Variants in SUMF2 observed in about 807,000 individuals in gnomAD.
SUMF2 encodes inactive C-alpha-formylglycine-generating enzyme 2.
Under a neutral mutation model 44.8 loss-of-function variants are expected in SUMF2, and 45 were observed. The observed-to-expected ratio is 1.00, with a 90% CI of 0.79 to 1.29. The LOEUF (loss-of-function observed/expected upper bound fraction) is 1.29, where lower values mean the gene tolerates loss of function less well. Ranked by LOEUF, SUMF2 falls within the 50% of genes most tolerant of loss-of-function variation. The pLI, the probability that SUMF2 is intolerant of heterozygous loss-of-function variation, is 0.00. For synonymous variants in SUMF2, 148 were observed against 150.4 expected (o/e 0.98, Z 0.12); for missense variants, 418 against 389.9 (o/e 1.07, Z -0.61).
chr7:56,068,031 C>CTT (rs565131237), intron 1 of SUMF2, among the ~76,000 whole-genome samples: 18 of 110,348 alleles, frequency 1.6e-4, no homozygotes, highest in East Asian at 2.7e-4. Flanking sequence ...TTTTTTCTTT[C>CTT]TTTTTTTTTT....
At chr7:56,075,213 C>T (rs1205393948) in intron 5 of SUMF2, among the ~76,000 whole-genome samples, 11 of 149,110 alleles carry the variant, frequency 7.4e-5, no homozygotes, top group Admixed American at 6.7e-4. Flanking sequence ...TCTAGTCCAT[C>T]TCAGACTGAT....
downstream of SUMF2, chr7:56,083,806 C>A: frequency 1.2e-6 from 1 of 852,232 alleles, no homozygotes; most frequent in Non-Finnish European, 2.0e-6. Flanking sequence ...ACCCTGATAC[C>A]TCTAGAAGCT....
At chr7:56,079,097 C>T (rs1795793075) in intron 8 of SUMF2, 2 of 509,182 alleles carry the variant, frequency 3.9e-6, no homozygotes, top group Non-Finnish European at 7.0e-6. Context: ...TTGTCTCATA[C>T]TCCTGGACTC....
At chr7:56,066,488 C>T (rs1323204782) in intron 1 of SUMF2, among the ~76,000 whole-genome samples, 1 of 152,176 alleles carries the variant, frequency 6.6e-6, no homozygotes, top group African/African-American at 2.4e-5. Context: ...CTGTGTCCCT[C>T]CAGGCTGGAG....
chr7:56,068,554 G>A lies in SUMF2; in HGVS notation c.140G>A (p.Ser47Asn), dbSNP rs1280111271. 6.2e-7 allele frequency: 1 copy of A among 1,613,940 alleles called. No homozygotes were observed. Among genetic ancestry groups the A allele is most frequent in the African/African-American group, 1.3e-5 (1 of 74,896 alleles). The change falls in exon 2 of 9, where the codon AGC becomes AAC. Residue 47 changes from serine to asparagine, a missense_variant. Physicochemically the swap from Ser to Asn is conservative, Grantham distance 46. Coordinates refer to ENST00000434526, the MANE Select transcript of SUMF2 (RefSeq NM_015411.4). The stretch of plus-strand genomic sequence containing the variant: ...CTGATGGGAACAAATTCTCCAGACA[G>A]CAGAGATGGTGACGGGCCTGTGCGG... ...RFLMGTNSPDSRDGDGPVREA... is the reference protein window; with the variant it reads ...RFLMGTNSPDNRDGDGPVREA...
intron 5 of SUMF2, 34 bp downstream of exon 5, chr7:56,074,770 T>C (rs1364458047): frequency 6.2e-7 from 1 of 1,612,844 alleles, no homozygotes; most frequent in East Asian, 2.2e-5. Flanking sequence ...TCCTTTATTC[T>C]TCTCCCCATC....
chr7:56,085,023 C>T (rs1337039626), downstream of SUMF2, among the ~76,000 whole-genome samples: 1 of 151,886 alleles, frequency 6.6e-6, no homozygotes, highest in Non-Finnish European at 1.5e-5. Context: ...TGCAGTGGCA[C>T]GATCTCAGCT....
chr7:56,079,065 GT>G, intron 8 of SUMF2: 1 of 538,042 alleles, frequency 1.9e-6, no homozygotes, highest in Non-Finnish European at 3.3e-6. Context: ...GTAGAGATGA[GT>G]TTTTGCCATG....
At chr7:56,087,102 C>T in the SUMF2 span, 1 of 1,076,828 alleles carries the variant, frequency 9.3e-7, no homozygotes, top group South Asian at 1.2e-5. Flanking sequence ...GGGTCAGGGA[C>T]CGAGGCTGCT....
At chr7:56,072,429 AAAAT>A (rs947370414) in intron 2 of SUMF2, among the ~76,000 whole-genome samples, 12 of 151,530 alleles carry the variant, frequency 7.9e-5, no homozygotes, top group Non-Finnish European at 1.6e-4. Context: ...TTGTCTCAAA[AAAAT>A]AAATAAATAG....
At chr7:56,064,721 C>CA (rs753520418) in intron 1 of SUMF2, among the ~76,000 whole-genome samples, 9 of 145,892 alleles carry the variant, frequency 6.2e-5, no homozygotes, top group African/African-American at 1.5e-4. Context: ...AATACAAAAA[C>CA]AAAAAAACAC....
intron 5 of SUMF2, among the ~76,000 whole-genome samples, chr7:56,075,559 C>G (rs1168489007): frequency 1.3e-5 from 2 of 151,608 alleles, no homozygotes; most frequent in Non-Finnish European, 2.9e-5. Context: ...ATTAGCTGGG[C>G]TTGGTGGCGG....
chr7:56,081,825 G>C, downstream of SUMF2: 1 of 1,608,474 alleles, frequency 6.2e-7, no homozygotes, highest in Non-Finnish European at 8.5e-7. The surrounding 1 kb of genome is among the most constrained non-coding windows in gnomAD (Gnocchi z 4.6). Flanking sequence ...GAAAGGCAGG[G>C]CCTCCCCGGG....
rs1795414896 is a variant in SUMF2 at position 56,074,657 on chromosome 7, C to T, written c.456C>T (p.Ala152=). The T allele has an allele frequency of 1.9e-6, 3 of 1,614,178 alleles. No homozygotes were observed. Among genetic ancestry groups the T allele is most frequent in the Non-Finnish European group, 2.5e-6 (3 of 1,180,040 alleles). ...HPVLHVSWND[A]RAYCAWRGKR... is the part of the protein sequence containing the mutation. ...TGTTACACGTGAGCTGGAATGACGC[C>T]CGTGCCTACTGTGCTTGGCGGGGAA... Residue 152 remains alanine (A), a synonymous_variant, in exon 5 of 9, where the codon GCC becomes GCT. Transcript: ENST00000434526.
rs1260368487 is a variant in SUMF2, at chr7:56,068,709, T to G, written c.224+71T>G. The G allele has an allele frequency of 5.2e-6, 8 of 1,526,248 alleles. No homozygotes were observed. The East Asian group carries it at 7.0e-5, about 13-fold the overall frequency. 94.5% of individuals were successfully genotyped at this position (1,526,248 alleles called of 1,614,324 possible). A position where few individuals can be genotyped will look rare whatever the true frequency, so the allele number is the denominator to read the frequency against. ...TCATTCTTTTTTCTTTCTTTTTTTTTTTTTTGTTTTTTGAGACTGACTCCC... is the reference window on the plus strand; with the variant it reads ...TCATTCTTTTTTCTTTCTTTTTTTTGTTTTTGTTTTTTGAGACTGACTCCC... On this transcript the variant is annotated intron_variant, in intron 2 of 8. Coordinates refer to ENST00000434526, the MANE Select transcript of SUMF2 (RefSeq NM_015411.4).
chr7:56,084,267 T>C, downstream of SUMF2: 2 of 1,391,320 alleles, frequency 1.4e-6, no homozygotes, highest in Non-Finnish European at 9.8e-7. Flanking sequence ...CAGTGTGGAC[T>C]GGGATGTATC....
chr7:56,087,768 C>G, the SUMF2 span: 3 of 1,611,238 alleles, frequency 1.9e-6, no homozygotes, highest in Non-Finnish European at 2.5e-6. Context: ...GACCACACTG[C>G]TAACGCCCCT....
At chr7:56,072,137 A>G (rs1426732663) in intron 2 of SUMF2, among the ~76,000 whole-genome samples, 16 of 149,654 alleles carry the variant, frequency 1.1e-4, no homozygotes, top group Non-Finnish European at 2.2e-4. Flanking sequence ...AAAAAAAAAA[A>G]AATATTGGCC....
At chr7:56,080,693 A>G, downstream of SUMF2, 1 of 285,922 alleles carries the variant, frequency 3.5e-6, no homozygotes. Context: ...TTTGATCCTC[A>G]CCCTGTGACC....
Sources: allele counts gnomAD v4.1 joint callset (sites outside exome capture counted in the v4.1 genomes callset), GRCh38; gene constraint gnomAD v4.1.1; non-coding constraint Gnocchi (gnomAD v3.1); transcripts MANE v1.5; gene names NCBI Gene and HGNC (gene_info 2026-07-23, HGNC 2026-07-21).